Variants in NBPF11 observed in about 807,000 individuals in gnomAD.
The protein encoded by NBPF11 is NBPF family member NBPF11.
Under a neutral mutation model 93.9 loss-of-function variants are expected in NBPF11, and 72 were observed. The observed-to-expected ratio is 0.77, with a 90% CI of 0.63 to 0.93. The LOEUF (loss-of-function observed/expected upper bound fraction) is 0.93, where lower values mean the gene tolerates loss of function less well. Among genes scored for constraint, NBPF11 ranks in the 40% least tolerant of loss-of-function variants. The pLI is 0.00. For synonymous variants in NBPF11, 224 were observed against 304.9 expected, an observed-to-expected ratio of 0.73 and a Z score of 2.76; for missense variants, 705 against 802.2, an observed-to-expected ratio of 0.88 and a Z score of 1.46.
rs1381944384 is a variant in NBPF11, at chr1:148,110,116, C to A, written c.1801+262G>T. Among the ~76,000 whole-genome samples the A allele has an allele frequency of 2.6e-3, 388 of 151,964 alleles. 7 individuals carry two copies. Among genetic ancestry groups the A allele is most frequent in the African/African-American group, 9.0e-3 (370 of 41,270 alleles). On this transcript the variant is annotated intron_variant, in intron 16 of 23. Transcript: ENST00000682118. The stretch of plus-strand genomic sequence containing the variant: ...ACAGTTTGGTGTGAGTTTGCCACAC[C>A]TGCCTTGAGTTCAATGTCGTGACAG...
chr1:148,138,299 G>A (rs1347966781), intron 2 of NBPF11, among the ~76,000 whole-genome samples: 3 of 151,056 alleles, frequency 2.0e-5, no homozygotes, highest in Admixed American at 6.6e-5. Flanking sequence ...GCCCAGGGAT[G>A]AGCAGGAGAC....
At position 148,125,592 on chromosome 1, in the gene NBPF11, G is replaced by C. The variant is rs1258133960; in HGVS notation, c.176-591C>G. Among the ~76,000 whole-genome samples the C allele has an allele frequency of 3.0e-3, 457 of 152,160 alleles. 8 individuals are homozygous for C. Among genetic ancestry groups the C allele is most frequent in the African/African-American group, 0.01 (428 of 41,412 alleles). On this transcript the variant is annotated intron_variant, in intron 5 of 23. Coordinates refer to ENST00000682118, the MANE Select transcript of NBPF11 (RefSeq NM_001385469.3). Reference sequence around the variant, plus strand: ...TTATTAGTATGAGAGGCAGCATTAAGATTTAGATTAGTTGTGTTAATTTAG... The same window carrying C: ...TTATTAGTATGAGAGGCAGCATTAACATTTAGATTAGTTGTGTTAATTTAG...
chr1:148,144,593 A>G (rs1378493529), intron 1 of NBPF11, among the ~76,000 whole-genome samples: 1 of 151,986 alleles, frequency 6.6e-6, no homozygotes, highest in Non-Finnish European at 1.5e-5. Flanking sequence ...AAAAAAAAAT[A>G]ATAACAATAA....
At chr1:148,107,147 AG>A (rs1663861437) in intron 19 of NBPF11, 33 bp from the exon 20 acceptor site, 1 of 572,950 alleles carries the variant, frequency 1.7e-6, no homozygotes, top group African/African-American at 2.2e-5. Context: ...AGAATAAGCC[AG>A]GGGGAATCAG....
intron 1 of NBPF11, among the ~76,000 whole-genome samples, chr1:148,150,183 A>G (rs1571504367): frequency 6.9e-6 from 1 of 144,914 alleles, no homozygotes. Context: ...GCAGGGTTGC[A>G]CTCTGCCATC....
Position 148,103,657 on chromosome 1 carries a change from A to C in NBPF11, c.*239T>G, listed in dbSNP as rs1662808297. ...CTGCAGGAATGACACCTCTCGGCTTAGTAAGGGCTGCTTATTGTGGGAATA... is the reference window on the plus strand; with the variant it reads ...CTGCAGGAATGACACCTCTCGGCTTCGTAAGGGCTGCTTATTGTGGGAATA... On this transcript the variant is annotated 3_prime_UTR_variant, in exon 24 of 24. Transcript: ENST00000682118. The C allele has an allele frequency of 6.2e-6, 10 of 1,611,178 alleles. No individual in the cohort carries two copies. The Admixed American group carries it at 1.2e-4, about 19-fold the overall frequency.
intron 4 of NBPF11, among the ~76,000 whole-genome samples, chr1:148,133,624 T>C (rs1355747637): frequency 5.9e-5 from 9 of 152,140 alleles, no homozygotes; most frequent in Non-Finnish European, 1.2e-4. Flanking sequence ...CCTGGTAATA[T>C]ATAAAATGAT....
At chr1:148,125,320 C>T (rs1451120930) in intron 5 of NBPF11, among the ~76,000 whole-genome samples, 2 of 151,988 alleles carry the variant, frequency 1.3e-5, no homozygotes, top group African/African-American at 4.8e-5. Flanking sequence ...CCAAGCCTTG[C>T]AGCCTCTCCT....
rs2149180659 is a variant in NBPF11 at position 148,108,573 on chromosome 1, A to T, written c.1935T>A (p.Val645=). The stretch of plus-strand genomic sequence containing the variant: ...GGCATGAGTCAGTCAGTCCAAGATA[A>T]ACTGAAGGAGTTGAATAACATCTAT... The part of the protein sequence containing the change: ...SLDRCYSTPS[V]YLGLTDSCQP... The change falls in exon 18 of 24, where the codon GTT becomes GTA. Residue 645 remains valine, a synonymous_variant. Coordinates refer to ENST00000682118, the MANE Select transcript of NBPF11 (RefSeq NM_001385469.3). 2 of 1,598,136 alleles carry T rather than the reference A, an allele frequency of 1.3e-6. No homozygotes were observed. The highest frequency in any genetic ancestry group is 4.5e-5 in the East Asian group (2 of 44,768).
At chr1:148,125,850 G>T (rs1175222741) in intron 5 of NBPF11, among the ~76,000 whole-genome samples, 1 of 151,896 alleles carries the variant, frequency 6.6e-6, no homozygotes, top group Admixed American at 6.5e-5. Context: ...CAGGCTGAGG[G>T]TCCCTGCTTT....
intron 1 of NBPF11, among the ~76,000 whole-genome samples, chr1:148,150,047 T>TA (rs1475318080): frequency 1.3e-5 from 2 of 151,820 alleles, no homozygotes; most frequent in Admixed American, 1.3e-4. Flanking sequence ...TTATCATTCA[T>TA]ATAGCTCTAA....
intron 15 of NBPF11, among the ~76,000 whole-genome samples, chr1:148,112,953 A>T (rs58716251): frequency 0.082 from 12,376 of 151,634 alleles, 384 homozygotes; most frequent in Middle Eastern, 0.17. Flanking sequence ...CTGCCCAAAA[A>T]GAGCTCCTAA....
chr1:148,149,155 C>G, intron 1 of NBPF11: 1 of 1,588,026 alleles, frequency 6.3e-7, no homozygotes, highest in Admixed American at 1.7e-5. Context: ...GCTCCGGCGC[C>G]GCCAGGTACG....
intron 4 of NBPF11, among the ~76,000 whole-genome samples, chr1:148,134,880 G>A (rs1374461990): frequency 6.6e-6 from 1 of 151,940 alleles, no homozygotes; most frequent in Non-Finnish European, 1.5e-5. Flanking sequence ...GCCACTGTCG[G>A]CTGCTCATTT....
intron 4 of NBPF11, among the ~76,000 whole-genome samples, chr1:148,129,125 GTATTATTTATATATACACATGTATATA>G (rs1553273813): frequency 7.0e-6 from 1 of 142,086 alleles, no homozygotes; most frequent in South Asian, 2.1e-4. Flanking sequence ...ACGTGTATAT[GTATTATTTATATATACACATGTATATA>G]TATTATATAT....
chr1:148,104,347 C>A (rs1290994451), intron 23 of NBPF11, among the ~76,000 whole-genome samples, 190 bp downstream of exon 23: 2 of 146,444 alleles, frequency 1.4e-5, no homozygotes, highest in South Asian at 2.1e-4. Flanking sequence ...ACCTATGGTA[C>A]GTTAGTAAAT....
At chr1:148,110,262 G>C in intron 16 of NBPF11, 116 bp downstream of exon 16, 7 of 1,349,262 alleles carry the variant, frequency 5.2e-6, no homozygotes, top group Non-Finnish European at 7.4e-6. Context: ...TGATATATAG[G>C]TTCAGCCCAC....
chr1:148,121,630 C>G (rs1253558362), intron 9 of NBPF11, among the ~76,000 whole-genome samples: 1 of 151,770 alleles, frequency 6.6e-6, no homozygotes, highest in African/African-American at 2.4e-5. Context: ...GCTCGGATTA[C>G]AGGTGTGACC....
At chr1:148,146,540 G>C in intron 1 of NBPF11, 2 of 1,603,904 alleles carry the variant, frequency 1.2e-6, no homozygotes, top group East Asian at 2.2e-5. Flanking sequence ...GGTGGGGCCG[G>C]GGCCGCCCCC....
Sources: allele counts gnomAD v4.1 joint callset (sites outside exome capture counted in the v4.1 genomes callset), GRCh38; gene constraint gnomAD v4.1.1; transcripts MANE v1.5; gene names NCBI Gene and HGNC (gene_info 2026-07-23, HGNC 2026-07-21).